The following A2M variants were observed in gnomAD, a reference collection of about 807,000 sequenced individuals.
A2M encodes the protein C3 and PZP-like alpha-2-macroglobulin domain-containing protein 5.
In A2M, 128 loss-of-function variants were observed where a neutral mutation model predicts 183.9. That is an observed-to-expected ratio of 0.70 (90% CI 0.60 to 0.81). The LOEUF (loss-of-function observed/expected upper bound fraction) is 0.81, where lower values mean the gene tolerates loss of function less well. Ranked by LOEUF, A2M falls within the 30% of genes least tolerant of loss-of-function variation. A2M has a pLI of 0.00. For synonymous variants in A2M, 592 were observed against 670.8 expected, an observed-to-expected ratio of 0.88 and a Z score of 1.81; for missense variants, 1,495 against 1,787.6, an observed-to-expected ratio of 0.84 and a Z score of 2.95.
chr12:9,088,012 T>C (rs1949099875), intron 22 of A2M, among the ~76,000 whole-genome samples: 1 of 152,166 alleles, frequency 6.6e-6, no homozygotes, highest in Non-Finnish European at 1.5e-5. Flanking sequence ...ATTTATATTA[T>C]AGGCTTAAAA....
chr12:9,115,366 C>T (rs1939042934), intron 1 of A2M: 1 of 167,880 alleles, frequency 6.0e-6, no homozygotes, highest in Non-Finnish European at 1.3e-5. Flanking sequence ...GATTTTTATA[C>T]TCCAGGGCAT....
intron 1 of A2M, chr12:9,115,510 A>T (rs910765408): frequency 2.7e-6 from 1 of 373,782 alleles, no homozygotes; most frequent in African/African-American, 2.1e-5. Context: ...AATATCTAAA[A>T]TTTATTCTTT....
rs779626109 is a variant in A2M, at chr12:9,078,189, G to A, written c.3120-332C>T. On this transcript the variant is annotated intron_variant, in intron 25 of 35. Transcript: ENST00000318602. The stretch of plus-strand genomic sequence containing the variant: ...TGACCCATCCGCTTAGTTCCCTCCC[G>A]TCACCCCACACCTCCCAACAGGCCC... Among the ~76,000 whole-genome samples the A allele has an allele frequency of 1.6e-4, 24 of 152,078 alleles. No individual in the cohort carries two copies. In the South Asian group the frequency reaches 1.9e-3, roughly 12 times the overall value.
At chr12:9,068,133 G>T in intron 35 of A2M, 50 bp downstream of exon 35, 1 of 1,592,844 alleles carries the variant, frequency 6.3e-7, no homozygotes, top group Non-Finnish European at 8.6e-7. Context: ...GGTTTGGGGG[G>T]CAAGCTGAAG....
chr12:9,085,170 A>G (rs1017168799), intron 22 of A2M, among the ~76,000 whole-genome samples: 2 of 152,132 alleles, frequency 1.3e-5, no homozygotes, highest in African/African-American at 4.8e-5. Flanking sequence ...AACACTTTAG[A>G]TCAAATAGAC....
intron 17 of A2M, 82 bp from the exon 18 acceptor site, chr12:9,093,661 A>G (rs1342989824): frequency 1.3e-6 from 1 of 748,364 alleles, no homozygotes; most frequent in Non-Finnish European, 2.0e-6. Context: ...CACCAAAAAA[A>G]AAAAACAAAA....
At chr12:9,092,555 A>G (rs1183201486) in intron 18 of A2M, among the ~76,000 whole-genome samples, 1 of 152,146 alleles carries the variant, frequency 6.6e-6, no homozygotes, top group Non-Finnish European at 1.5e-5. Flanking sequence ...GAAAGGGAGT[A>G]TATGGCCATT....
rs760275903 is a variant in A2M at position 9,077,334 on chromosome 12, G to C, written c.3351+12C>G. The C allele has an allele frequency of 3.1e-6, 5 of 1,609,472 alleles. No individual in the cohort carries two copies. The highest frequency in any genetic ancestry group is 2.2e-5 in the South Asian group (2 of 90,506). Reference sequence around the variant, plus strand: ...GAACTCTCCTTCAGCAGAGGAATGGGGTGGTACCTACAGTGACTGTGAGAG... The same window carrying C: ...GAACTCTCCTTCAGCAGAGGAATGGCGTGGTACCTACAGTGACTGTGAGAG... On this transcript the variant is annotated intron_variant, in intron 27 of 35. Coordinates refer to ENST00000318602, the MANE Select transcript of A2M (RefSeq NM_000014.6).
At chr12:9,099,115 T>C (rs1293489299) in intron 14 of A2M, among the ~76,000 whole-genome samples, 4 of 152,166 alleles carry the variant, frequency 2.6e-5, no homozygotes, top group African/African-American at 7.2e-5. Context: ...TGCTTACATA[T>C]TTCCCAACGT....
chr12:9,095,784 G>T, intron 15 of A2M, 84 bp from the exon 16 acceptor site: 16 of 1,209,682 alleles, frequency 1.3e-5, no homozygotes, highest in Non-Finnish European at 1.7e-5. Flanking sequence ...ACGGAGTCTC[G>T]CTCTGTCGCC....
At chr12:9,098,886 G>T in intron 14 of A2M, 130 bp from the exon 15 acceptor site, 1 of 959,754 alleles carries the variant, frequency 1.0e-6, no homozygotes, top group African/African-American at 1.7e-5. Context: ...GGTTGGCATT[G>T]TGTCAATCCT....
Position 9,076,937 on chromosome 12 carries a change from C to T in A2M, c.3352-1G>A. ...ACAGGGCATTGCGGACAACAGGGTG[C>T]TGTGAAGGCAGAACAAGAAGGGAAC... On this transcript the variant is annotated splice_acceptor_variant, in intron 27 of 35. Transcript: ENST00000318602. LOFTEE classifies it high-confidence loss of function. 1 of 1,575,208 alleles carries T rather than the reference C, an allele frequency of 6.3e-7. No individual in the cohort carries two copies. Among genetic ancestry groups the T allele is most frequent in the Non-Finnish European group, 8.6e-7 (1 of 1,160,158 alleles).
chr12:9,112,750 G>A, intron 2 of A2M: 1 of 548,250 alleles, frequency 1.8e-6, no homozygotes, highest in South Asian at 2.1e-5. Flanking sequence ...CAGTAAGAGA[G>A]GTTGTAAGTG....
At position 9,072,768 on chromosome 12, in the gene A2M, G is replaced by A; in HGVS notation, c.3860C>T (p.Ser1287Phe). The change falls in exon 30 of 36, where the codon TCC (serine) becomes TTC (phenylalanine). Residue 1287 changes from serine to phenylalanine, a missense_variant. Transcript: ENST00000318602. ...GTTGTTGTCCACTTGGAATTTGCTGGAAAATGTCCCTGAAGACTGGATAGT... is the reference window on the plus strand; with the variant it reads ...GTTGTTGTCCACTTGGAATTTGCTGAAAAATGTCCCTGAAGACTGGATAGT... Reference protein sequence around the residue: ...QVTIQSSGTFSSKFQVDNNNR... With the variant: ...QVTIQSSGTFFSKFQVDNNNR... 1.2e-6 allele frequency: 2 copies of A among 1,614,172 alleles called. No individual in the cohort carries two copies. The highest frequency in any genetic ancestry group is 1.7e-5 in the Admixed American group (1 of 60,026).
intron 6 of A2M, among the ~76,000 whole-genome samples, 159 bp downstream of exon 6, chr12:9,109,708 G>C (rs1158744813): frequency 6.6e-6 from 1 of 152,212 alleles, no homozygotes. Context: ...CCTATTCACA[G>C]ATCACTGATG....
At chr12:9,074,418 A>G (rs1761402978) in intron 29 of A2M, 142 bp downstream of exon 29, 2 of 813,658 alleles carry the variant, frequency 2.5e-6, no homozygotes, top group Non-Finnish European at 1.9e-6. Flanking sequence ...TTTTATTTCC[A>G]TTATCCTTGG....
intron 31 of A2M, among the ~76,000 whole-genome samples, chr12:9,071,596 C>A (rs2137639954): frequency 6.6e-6 from 1 of 152,246 alleles, no homozygotes; most frequent in South Asian, 2.1e-4. Context: ...CTCCTCCCAT[C>A]CTTAACCCTC....
At chr12:9,098,785 A>G (rs769554078) in intron 14 of A2M, 29 bp from the exon 15 acceptor site, 2 of 1,608,042 alleles carry the variant, frequency 1.2e-6, no homozygotes, top group African/African-American at 1.3e-5. Flanking sequence ...AGGTCAGAAA[A>G]GCAAATTTCC....
At chr12:9,091,999 A>T (rs1450840162) in intron 18 of A2M, among the ~76,000 whole-genome samples, 1 of 152,220 alleles carries the variant, frequency 6.6e-6, no homozygotes. Context: ...TGAAAGAAGT[A>T]CTTCAGTACT....
Sources: allele counts gnomAD v4.1 joint callset (sites outside exome capture counted in the v4.1 genomes callset), GRCh38; gene constraint gnomAD v4.1.1; transcripts MANE v1.5; gene names NCBI Gene and HGNC (gene_info 2026-07-23, HGNC 2026-07-21).